WARS2: variants seen among roughly 807,000 people sequenced by gnomAD.
WARS2 encodes tryptophan--tRNA ligase, mitochondrial.
WARS2 carries 28 observed loss-of-function variants against 36.5 expected under a neutral mutation model. The observed-to-expected ratio is 0.77, with a 90% CI of 0.57 to 1.05. The LOEUF is 1.05. Among genes scored for constraint, WARS2 ranks in the 50% least tolerant of loss-of-function variants. The pLI is 0.00. For missense variants in WARS2, 435 were observed against 456.8 expected, an observed-to-expected ratio of 0.95 and a Z score of 0.44; for synonymous variants, 174 against 178.4, an observed-to-expected ratio of 0.98 and a Z score of 0.20.
chr1:119,055,986 A>T (rs2101178746), intron 2 of WARS2, among the ~76,000 whole-genome samples: 1 of 150,804 alleles, frequency 6.6e-6, no homozygotes, highest in African/African-American at 2.4e-5. Flanking sequence ...TGATTCAAAG[A>T]TCAGATGAAA....
At chr1:119,110,697 G>A (rs1654565386) in intron 1 of WARS2, among the ~76,000 whole-genome samples, 1 of 151,982 alleles carries the variant, frequency 6.6e-6, no homozygotes, top group Non-Finnish European at 1.5e-5. Flanking sequence ...CATTAATGTG[G>A]AGAAAATTCT....
chr1:119,108,832 T>G (rs1557985853), intron 1 of WARS2, among the ~76,000 whole-genome samples: 1 of 151,992 alleles, frequency 6.6e-6, no homozygotes, highest in Non-Finnish European at 1.5e-5. Context: ...GATCTTTTTC[T>G]TTTCAAATAT....
intron 1 of WARS2, among the ~76,000 whole-genome samples, chr1:119,092,677 T>C (rs1653127234): frequency 6.6e-6 from 1 of 152,240 alleles, no homozygotes; most frequent in Non-Finnish European, 1.5e-5. Flanking sequence ...ACTAGCTATG[T>C]GATCTTTGGC....
intron 2 of WARS2, among the ~76,000 whole-genome samples, chr1:119,071,964 T>C (rs1313260993): frequency 6.6e-6 from 1 of 152,174 alleles, no homozygotes; most frequent in African/African-American, 2.4e-5. Flanking sequence ...GCATTGCCTG[T>C]TAAAAAGAAG....
At chr1:119,059,606 G>A (rs1650207843) in intron 2 of WARS2, among the ~76,000 whole-genome samples, 2 of 152,124 alleles carry the variant, frequency 1.3e-5, no homozygotes, top group South Asian at 4.1e-4. Context: ...GGCAGTATAA[G>A]TCCTCTAGTT....
intron 1 of WARS2, among the ~76,000 whole-genome samples, chr1:119,131,757 G>A (rs940351316): frequency 6.6e-6 from 1 of 152,064 alleles, no homozygotes; most frequent in Non-Finnish European, 1.5e-5. Context: ...CACAGCGCCG[G>A]CCCGGACTGT....
chr1:119,112,719 T>C (rs1571376207), intron 1 of WARS2, among the ~76,000 whole-genome samples: 1 of 152,170 alleles, frequency 6.6e-6, no homozygotes, highest in South Asian at 2.1e-4. Flanking sequence ...TTTCAGAGAG[T>C]GGGGCAAGCC....
At chr1:119,089,206 T>C (rs897721413) in intron 1 of WARS2, among the ~76,000 whole-genome samples, 3 of 152,218 alleles carry the variant, frequency 2.0e-5, no homozygotes, top group Non-Finnish European at 4.4e-5. Flanking sequence ...GGGAATTTTT[T>C]TGACTGTTAT....
At chr1:119,079,136 G>A (rs1036965768) in intron 1 of WARS2, among the ~76,000 whole-genome samples, 7 of 152,000 alleles carry the variant, frequency 4.6e-5, no homozygotes, top group Non-Finnish European at 8.8e-5. Flanking sequence ...TTATTGAAAA[G>A]ACTGTCTCTT....
Position 119,033,119 on chromosome 1 carries a change from C to T in WARS2, c.875G>A (p.Arg292His), listed in dbSNP as rs747204006. The change falls in exon 6 of 6, where the codon CGC becomes CAC. Residue 292 changes from arginine (R) to histidine (H), a missense_variant. Arg to His is a conservative substitution (Grantham distance 29). Coordinates refer to ENST00000235521, the MANE Select transcript of WARS2 (RefSeq NM_015836.4). The stretch of plus-strand genomic sequence containing the variant: ...AGCAGTGTTCATGCCCGCGCTGCGG[C>T]GCACCACTTCCTCCACGGAGAGCCC... The part of the protein sequence containing the change: ...VTGLSVEEVV[R>H]RSAGMNTARY... 6.2e-6 allele frequency: 10 copies of T among 1,614,032 alleles called. No homozygotes were observed. In the South Asian group the frequency reaches 1.1e-4, roughly 18 times the overall value.
At chr1:119,099,068 G>C (rs2101446396) in intron 1 of WARS2, among the ~76,000 whole-genome samples, 1 of 152,284 alleles carries the variant, frequency 6.6e-6, no homozygotes, top group South Asian at 2.1e-4. Flanking sequence ...TTCTGTGAAA[G>C]AGGCATTCAC....
chr1:119,124,191 C>T (rs1391399664), intron 1 of WARS2, among the ~76,000 whole-genome samples: 1 of 152,112 alleles, frequency 6.6e-6, no homozygotes, highest in Non-Finnish European at 1.5e-5. Flanking sequence ...ATTTGCTCTA[C>T]CTTTAAAATA....
intron 2 of WARS2, among the ~76,000 whole-genome samples, chr1:119,054,850 TCAAA>T (rs1005194989): frequency 2.0e-5 from 3 of 152,154 alleles, no homozygotes; most frequent in African/African-American, 7.2e-5. Flanking sequence ...ATTTGAGTAG[TCAAA>T]CTCATAGAGA....
At chr1:119,131,458 G>GTTTTT (rs761800862) in intron 1 of WARS2, among the ~76,000 whole-genome samples, 18 of 134,304 alleles carry the variant, frequency 1.3e-4, no homozygotes, top group African/African-American at 2.9e-4. Context: ...AAAGTTTTTT[G>GTTTTT]TTTTTTGTTT....
At chr1:119,117,018 G>A (rs1655018080) in intron 1 of WARS2, among the ~76,000 whole-genome samples, 1 of 152,194 alleles carries the variant, frequency 6.6e-6, no homozygotes, top group Non-Finnish European at 1.5e-5. Context: ...CAGCTGGGAG[G>A]CTTTTAGGCT....
intron 1 of WARS2, among the ~76,000 whole-genome samples, chr1:119,094,476 A>G (rs142648144): frequency 6.2e-4 from 94 of 152,142 alleles, no homozygotes; most frequent in African/African-American, 2.3e-3. Context: ...ATAAGCAGTA[A>G]ACTATTTCTT....
chr1:119,047,696 A>C (rs1219411243), intron 2 of WARS2, among the ~76,000 whole-genome samples: 1 of 152,206 alleles, frequency 6.6e-6, no homozygotes, highest in Non-Finnish European at 1.5e-5. Flanking sequence ...ATTGCATGGA[A>C]AGGTTCAGAG....
chr1:119,071,827 T>C (rs913818794), intron 2 of WARS2, among the ~76,000 whole-genome samples: 4 of 152,202 alleles, frequency 2.6e-5, no homozygotes, highest in Non-Finnish European at 5.9e-5. Flanking sequence ...TGAGGTAATA[T>C]ATATGTTATA....
intron 2 of WARS2, among the ~76,000 whole-genome samples, chr1:119,074,123 C>T (rs968026380): frequency 2.6e-5 from 4 of 152,150 alleles, no homozygotes; most frequent in African/African-American, 4.8e-5. Flanking sequence ...AGATGATGTG[C>T]TTTGCAAAAT....
Sources: gnomAD v4.1 joint callset for allele counts (sites outside exome capture counted in the v4.1 genomes callset) on GRCh38, gnomAD v4.1.1 for gene constraint, MANE v1.5 for transcripts, NCBI Gene and HGNC (gene_info 2026-07-23, HGNC 2026-07-21) for gene names.